GYG1: variants seen among roughly 807,000 people sequenced by gnomAD.
GYG1 encodes the protein glycogenin-1.
Under a neutral mutation model 41.9 loss-of-function variants are expected in GYG1, and 44 were observed. The ratio of observed to expected loss-of-function variants is 1.05; its 90% CI spans 0.83 to 1.35. GYG1 has a LOEUF of 1.35. Among genes scored for constraint, GYG1 ranks in the 40% most tolerant of loss-of-function variants. GYG1 has a pLI of 0.00. For missense variants in GYG1, 429 were observed against 418.9 expected, an observed-to-expected ratio of 1.02 and a Z score of -0.21; for synonymous variants, 141 against 158.1, an observed-to-expected ratio of 0.89 and a Z score of 0.81.
At chr3:149,026,611 T>G (rs1304434041) in intron 7 of GYG1, 109 bp downstream of exon 7, 56 of 1,001,802 alleles carry the variant, frequency 5.6e-5, no homozygotes, top group Non-Finnish European at 8.6e-5. Context: ...TATATTTTTG[T>G]GTCTTTTTTG....
intron 4 of GYG1, among the ~76,000 whole-genome samples, chr3:149,006,266 A>G (rs957908321): frequency 1.1e-4 from 17 of 151,868 alleles, no homozygotes; most frequent in Non-Finnish European, 1.8e-4. Flanking sequence ...TATTTTTAGT[A>G]GAGACGGGGT....
chr3:148,994,360 A>G (rs1187063307), intron 2 of GYG1, 83 bp downstream of exon 2: 12 of 1,444,166 alleles, frequency 8.3e-6, no homozygotes, highest in Non-Finnish European at 1.2e-5. Flanking sequence ...CATTGAGGCC[A>G]TGCTCTTTTC....
chr3:149,011,836 A>G (rs995712289), intron 5 of GYG1, among the ~76,000 whole-genome samples: 19 of 152,322 alleles, frequency 1.2e-4, no homozygotes, highest in African/African-American at 4.6e-4. Flanking sequence ...ACACACTGGG[A>G]AAGTTGGGAA....
In GYG1 at chr3:148,995,538, G is replaced by A. The variant is rs559621734; in HGVS notation, c.144-764G>A. On this transcript the variant is annotated intron_variant, in intron 2 of 7. Transcript: ENST00000345003. ...GTGTGCCCTAATTTGTAGTCTATTA[G>A]GATATGTCTAAGAAACCAGATCTAG... 5.3e-5 allele frequency among the ~76,000 whole-genome samples: 8 copies of A among 152,250 alleles called. No homozygotes were observed. The South Asian group carries it at 1.7e-3, about 32-fold the overall frequency.
At chr3:149,021,286 A>G (rs569523715) in intron 5 of GYG1, among the ~76,000 whole-genome samples, 103 of 152,256 alleles carry the variant, frequency 6.8e-4, no homozygotes, top group African/African-American at 2.5e-3. Context: ...TTGTTATTTA[A>G]TCGATAGCTT....
intron 2 of GYG1, 110 bp downstream of exon 2, chr3:148,994,387 G>C: frequency 8.3e-7 from 1 of 1,204,102 alleles, no homozygotes; most frequent in African/African-American, 1.5e-5. Context: ...TGAGCACCGG[G>C]TAGAGAAAAA....
At chr3:149,023,136 C>G (rs1714460547) in intron 5 of GYG1, among the ~76,000 whole-genome samples, 1 of 152,256 alleles carries the variant, frequency 6.6e-6, no homozygotes, top group Non-Finnish European at 1.5e-5. Flanking sequence ...CTGGAAACAG[C>G]AAGCACCCAG....
rs200878347 is a variant in GYG1, at chr3:149,024,277, G to A, written c.828+5G>A. On this transcript the variant is annotated splice_donor_5th_base_variant and intron_variant, in intron 6 of 7. Coordinates refer to ENST00000345003, the MANE Select transcript of GYG1 (RefSeq NM_004130.4). ...ACCTGCTCATATGTAAATGTGGTAG[G>A]TTCTGTTTCTTTTCTTCAGATCATT... is the stretch of plus-strand genomic sequence containing the variant. 13 of 1,553,006 alleles carry A rather than the reference G, an allele frequency of 8.4e-6. No homozygotes were observed. The East Asian group carries it at 9.0e-5, about 11-fold the overall frequency.
rs1431012331 is a variant in GYG1 at position 148,996,829 on chromosome 3, G to T, written c.406G>T (p.Val136Phe). 6.2e-7 allele frequency: 1 copy of T among 1,613,512 alleles called. No individual in the cohort carries two copies. The highest frequency in any genetic ancestry group is 8.5e-7 in the Non-Finnish European group (1 of 1,179,400). Residue 136 changes from valine to phenylalanine, a missense_variant, in exon 4 of 8, where the codon GTC becomes TTC. By Grantham distance (50) the Val-to-Phe change is conservative. Transcript: ENST00000345003. ...GTGGCCTGACTGCTTCAATTCCGGA[G>T]TCTTCGTTTATCAGCCTTCAGTTGA... Reference protein sequence around the residue: ...PGWPDCFNSGVFVYQPSVETY... With the variant: ...PGWPDCFNSGFFVYQPSVETY...
At chr3:149,018,369 T>A (rs945468033) in intron 5 of GYG1, among the ~76,000 whole-genome samples, 1 of 152,138 alleles carries the variant, frequency 6.6e-6, no homozygotes, top group Non-Finnish European at 1.5e-5. Context: ...AGTTGTACAG[T>A]TAGAGCATAA....
intron 4 of GYG1, among the ~76,000 whole-genome samples, chr3:149,002,778 C>G (rs1005851153): frequency 2.0e-5 from 3 of 152,138 alleles, no homozygotes; most frequent in African/African-American, 7.2e-5. Flanking sequence ...TCCAACACTT[C>G]GGAAGGCCAA....
At position 149,026,962 on chromosome 3, in the gene GYG1, C is replaced by T. The variant is rs1425629749; in HGVS notation, c.*29C>T. 4 of 1,607,760 alleles carry T rather than the reference C, an allele frequency of 2.5e-6. No individual in the cohort carries two copies. The highest frequency in any genetic ancestry group is 2.7e-5 in the African/African-American group (2 of 74,808). On this transcript the variant is annotated 3_prime_UTR_variant, in exon 8 of 8. Transcript: ENST00000345003. ...CACTGCATTTTTCTGTGAACACATC[C>T]ACTTCACAAGCCTTGTTTCTGATAC...
In GYG1 at chr3:149,021,273, T is replaced by A. The variant is rs114999166; in HGVS notation, c.609-2780T>A. ...ACTGAGCATAGTGCCATATGCATAA[T>A]AGTTGTTATTTAATCGATAGCTTTA... is the stretch of plus-strand genomic sequence containing the variant. On this transcript the variant is annotated intron_variant, in intron 5 of 7. Coordinates refer to ENST00000345003, the MANE Select transcript of GYG1 (RefSeq NM_004130.4). Among the ~76,000 whole-genome samples, 4 of 152,320 alleles carry A rather than the reference T, an allele frequency of 2.6e-5. No homozygotes were observed. In the South Asian group the frequency reaches 8.3e-4, roughly 32 times the overall value.
At chr3:149,021,657 G>A (rs1372848760) in intron 5 of GYG1, among the ~76,000 whole-genome samples, 1 of 151,956 alleles carries the variant, frequency 6.6e-6, no homozygotes, top group Non-Finnish European at 1.5e-5. Flanking sequence ...TATCACATTA[G>A]TAAAATTTAC....
rs971804047 is a variant in GYG1, at chr3:149,031,553, T to C, written c.*4620T>C. The C allele has an allele frequency of 6.6e-6, 1 of 152,574 alleles. No individual in the cohort carries two copies. The highest frequency in any genetic ancestry group is 1.5e-5 in the Non-Finnish European group (1 of 68,018). 9.5% of individuals were successfully genotyped at this position (152,574 alleles called of 1,614,324 possible). On this transcript the variant is annotated 3_prime_UTR_variant, in exon 8 of 8. Transcript: ENST00000345003. ...GACACAGCAAGTTACATTTAAACAA[T>C]GAGTGTAGTACTACTTAACTAAAAT...
At position 149,017,582 on chromosome 3, in the gene GYG1, G is replaced by GTTTTTTTTTTTTTTTTTTT. The variant is rs58075146; in HGVS notation, c.609-6459_609-6441dup. Among the ~76,000 whole-genome samples the GTTTTTTTTTTTTTTTTTTT allele has an allele frequency of 8.4e-5, 4 of 47,382 alleles. 2 individuals carry two copies. Among genetic ancestry groups the GTTTTTTTTTTTTTTTTTTT allele is most frequent in the African/African-American group, 2.2e-4 (4 of 18,088 alleles). The allele number at this position is 47,382 out of a possible 152,430, so 31.1% of individuals were successfully genotyped here. A position where few individuals can be genotyped will look rare whatever the true frequency, so the allele number is the denominator to read the frequency against. ...TTATTTATTTATTTCTTTTATTTAGGTTTTTTTTTTTTTTTTTTTTTTTTT... is the reference window on the plus strand; with the variant it reads ...TTATTTATTTATTTCTTTTATTTAGGTTTTTTTTTTTTTTTTTTTTTTTTTTTTTTTTTTTTTTTTTTTT... On this transcript the variant is annotated intron_variant, in intron 5 of 7. Transcript: ENST00000345003.
rs927749792 is a variant in GYG1 at position 148,994,172 on chromosome 3, A to G, written c.38A>G (p.Asp13Gly). 1 of 1,613,846 alleles carries G rather than the reference A, an allele frequency of 6.2e-7. No homozygotes were observed. The highest frequency in any genetic ancestry group is 8.5e-7 in the Non-Finnish European group (1 of 1,179,850). The change falls in exon 2 of 8, where the codon GAT becomes GGT. Residue 13 changes from aspartate (D) to glycine (G), a missense_variant. Coordinates refer to ENST00000345003, the MANE Select transcript of GYG1 (RefSeq NM_004130.4). The stretch of plus-strand genomic sequence containing the variant: ...GCCTTTGTGACACTAACCACAAACG[A>G]TGCCTACGCCAAAGGTGCCCTGGTC... ...DQAFVTLTTN[D>G]AYAKGALVLG... is the part of the protein sequence containing the mutation.
At position 149,026,910 on chromosome 3, in the gene GYG1, A is replaced by G; in HGVS notation, c.1030A>G (p.Lys344Glu). The G allele has an allele frequency of 6.2e-7, 1 of 1,613,668 alleles. No homozygotes were observed. The highest frequency in any genetic ancestry group is 8.5e-7 in the Non-Finnish European group (1 of 1,179,530). ...GADSFDNIKR[K>E]LDTYLQ ...AGATTCCTTTGACAACATCAAGAGG[A>G]AACTTGACACTTACCTCCAGTAGAA... The change falls in exon 8 of 8, where the codon AAA becomes GAA. Residue 344 changes from lysine to glutamate, a missense_variant. Lys to Glu is a moderately conservative substitution (Grantham distance 56, BLOSUM62 1). Transcript: ENST00000345003.
rs1043156884 is a variant in GYG1 at position 149,019,604 on chromosome 3, T to G, written c.609-4449T>G. ...TGAAAGGACTATCCAGTGGATACAGTTTTTTCACTTTGTTAGGGTAGAATA... is the reference window on the plus strand; with the variant it reads ...TGAAAGGACTATCCAGTGGATACAGGTTTTTCACTTTGTTAGGGTAGAATA... On this transcript the variant is annotated intron_variant, in intron 5 of 7. Coordinates refer to ENST00000345003, the MANE Select transcript of GYG1 (RefSeq NM_004130.4). Among the ~76,000 whole-genome samples the G allele has an allele frequency of 2.0e-5, 3 of 152,192 alleles. No individual in the cohort carries two copies. In the East Asian group the frequency reaches 5.8e-4, roughly 29 times the overall value.
Sources: gnomAD v4.1 joint callset for allele counts (sites outside exome capture counted in the v4.1 genomes callset) on GRCh38, gnomAD v4.1.1 for gene constraint, MANE v1.5 for transcripts, NCBI Gene and HGNC (gene_info 2026-07-23, HGNC 2026-07-21) for gene names.